Variants in NLGN1 observed in about 807,000 individuals in gnomAD.
NLGN1 encodes the protein neuroligin 1, also known as neuroligin-1.
Under a neutral mutation model 65.5 loss-of-function variants are expected in NLGN1, and 12 were observed. The ratio of observed to expected loss-of-function variants is 0.18; its 90% confidence interval spans 0.12 to 0.30. The LOEUF is 0.30. NLGN1 is among the 10% of genes least tolerant of loss of function. The pLI is 1.00. For synonymous variants in NLGN1, 350 were observed against 359.5 expected, an observed-to-expected ratio of 0.97 and a Z score of 0.30; for missense variants, 750 against 1,007.1, an observed-to-expected ratio of 0.74 and a Z score of 3.46.
intron 4 of NLGN1, among the ~76,000 whole-genome samples, chr3:173,841,866 G>A (rs1449093042): frequency 6.6e-6 from 1 of 152,164 alleles, no homozygotes; most frequent in Non-Finnish European, 1.5e-5. Flanking sequence ...TGACAGTTCA[G>A]AACCTCATTT....
intron 4 of NLGN1, among the ~76,000 whole-genome samples, chr3:174,065,950 T>C (rs1171165482): frequency 6.6e-6 from 1 of 152,096 alleles, no homozygotes; most frequent in Non-Finnish European, 1.5e-5. Context: ...AGCCAGAAGA[T>C]CCAGCTAAGC....
Position 174,131,339 on chromosome 3 carries a change from G to A in NLGN1, c.647-143976G>A, listed in dbSNP as rs143414544. On this transcript the variant is annotated intron_variant, in intron 4 of 6. Transcript: ENST00000457714. ...ATTGTCCAAAATGATTTGTATAAAC[G>A]TTTTCACACATAGTCCTTAGTTCCC... Among the ~76,000 whole-genome samples the A allele has an allele frequency of 1.2e-4, 19 of 152,142 alleles. No individual in the cohort carries two copies. The East Asian group carries it at 3.7e-3, about 29-fold the overall frequency.
intron 3 of NLGN1, among the ~76,000 whole-genome samples, chr3:173,778,783 T>G (rs1780698685): frequency 6.6e-6 from 1 of 151,840 alleles, no homozygotes. Context: ...ATTAAATCAT[T>G]TCATCTTCTT....
chr3:173,816,758 A>G (rs975205395), intron 4 of NLGN1, among the ~76,000 whole-genome samples: 2 of 152,104 alleles, frequency 1.3e-5, no homozygotes, highest in African/African-American at 4.8e-5. Flanking sequence ...ACTTTCTCCC[A>G]TTTTAGGCAT....
intron 4 of NLGN1, among the ~76,000 whole-genome samples, chr3:174,179,190 ATTAAG>A (rs1470016633): frequency 1.3e-5 from 2 of 152,154 alleles, no homozygotes; most frequent in African/African-American, 4.8e-5. Context: ...ATTTTAAACT[ATTAAG>A]TTAAAGCCTA....
chr3:173,409,657 C>T (rs900307623), intron 1 of NLGN1, among the ~76,000 whole-genome samples: 1 of 152,144 alleles, frequency 6.6e-6, no homozygotes, highest in African/African-American at 2.4e-5. Context: ...AAATCCAGAA[C>T]CCAAATTCAG....
At chr3:174,074,490 T>C (rs1053081251) in intron 4 of NLGN1, among the ~76,000 whole-genome samples, 2 of 152,200 alleles carry the variant, frequency 1.3e-5, no homozygotes, top group Admixed American at 6.5e-5. Flanking sequence ...GTTTAAATTC[T>C]GGGTGATTAC....
At chr3:173,755,528 T>C (rs1021832867) in intron 3 of NLGN1, among the ~76,000 whole-genome samples, 3 of 152,130 alleles carry the variant, frequency 2.0e-5, no homozygotes. Flanking sequence ...CAGGCCCATG[T>C]GACTTATAGA....
rs181125041 is a variant in NLGN1 at position 173,399,584 on chromosome 3, G to A, written c.-390+1097G>A. 1.6e-4 allele frequency: 25 copies of A among 152,210 alleles called. No individual in the cohort carries two copies. The East Asian group carries it at 4.8e-3, about 29-fold the overall frequency. 9.4% of individuals were successfully genotyped at this position (152,210 alleles called of 1,614,324 possible). ...AGAACTCCATTGGTTTCATTTGCAG[G>A]GTGTTGGAAGGCCTGATGACCCTAT... On this transcript the variant is annotated intron_variant, in intron 1 of 6. Transcript: ENST00000457714.
intron 3 of NLGN1, among the ~76,000 whole-genome samples, chr3:173,646,275 T>C (rs1427940932): frequency 6.6e-6 from 1 of 152,174 alleles, no homozygotes; most frequent in Non-Finnish European, 1.5e-5. Flanking sequence ...TTAAGACCTT[T>C]TGGAGGCTGG....
intron 2 of NLGN1, among the ~76,000 whole-genome samples, chr3:173,526,386 G>A (rs1735647422): frequency 6.6e-6 from 1 of 151,518 alleles, no homozygotes; most frequent in Non-Finnish European, 1.5e-5. Context: ...AATGGCTACT[G>A]CTCTTCATTT....
intron 4 of NLGN1, among the ~76,000 whole-genome samples, chr3:174,216,448 A>G (rs974269581): frequency 3.3e-5 from 5 of 152,168 alleles, no homozygotes; most frequent in Middle Eastern, 3.2e-3. Context: ...CATACTATGT[A>G]CCATCAACTA....
At chr3:173,691,105 T>C (rs1765402308) in intron 3 of NLGN1, among the ~76,000 whole-genome samples, 1 of 152,098 alleles carries the variant, frequency 6.6e-6, no homozygotes, top group Non-Finnish European at 1.5e-5. Context: ...CAAGGAATGA[T>C]TGGTAGTCAT....
At chr3:174,176,100 G>T (rs1049163832) in intron 4 of NLGN1, among the ~76,000 whole-genome samples, 14 of 151,666 alleles carry the variant, frequency 9.2e-5, no homozygotes, top group Non-Finnish European at 1.8e-4. Flanking sequence ...CAGGTTTCTG[G>T]CCCTGAAATC....
At chr3:173,716,090 G>A (rs1002634332) in intron 3 of NLGN1, among the ~76,000 whole-genome samples, 7 of 151,964 alleles carry the variant, frequency 4.6e-5, no homozygotes, top group South Asian at 2.1e-4. Context: ...ATTATTTCAC[G>A]AAATAAAATT....
At chr3:174,185,133 T>C (rs891118640) in intron 4 of NLGN1, among the ~76,000 whole-genome samples, 2 of 152,162 alleles carry the variant, frequency 1.3e-5, no homozygotes, top group Non-Finnish European at 2.9e-5. Flanking sequence ...TGAACCCACT[T>C]GATTCCATCC....
chr3:173,470,316 T>C (rs961169578), intron 2 of NLGN1, among the ~76,000 whole-genome samples: 1 of 150,342 alleles, frequency 6.7e-6, no homozygotes, highest in Non-Finnish European at 1.5e-5. Flanking sequence ...GAACTGCTTA[T>C]GATTGCTAGT....
chr3:173,609,454 T>C (rs531201503), intron 3 of NLGN1, among the ~76,000 whole-genome samples: 145 of 152,078 alleles, frequency 9.5e-4, no homozygotes, highest in African/African-American at 3.4e-3. Flanking sequence ...TTCAAGAGCC[T>C]TTTCCACAGG....
intron 2 of NLGN1, among the ~76,000 whole-genome samples, chr3:173,465,090 G>A (rs1724093716): frequency 6.6e-6 from 1 of 152,088 alleles, no homozygotes; most frequent in Admixed American, 6.5e-5. Context: ...ATACGCTTAG[G>A]CATTTCTCGC....
Sources: gnomAD v4.1 joint callset for allele counts (sites outside exome capture counted in the v4.1 genomes callset) on GRCh38, gnomAD v4.1.1 for gene constraint, MANE v1.5 for transcripts, NCBI Gene and HGNC (gene_info 2026-07-23, HGNC 2026-07-21) for gene names.